Variants in PTPRD observed in about 807,000 individuals in gnomAD.
The protein encoded by PTPRD is receptor-type tyrosine-protein phosphatase delta.
In PTPRD, 34 loss-of-function variants were observed where a neutral mutation model predicts 214.5. That is an observed-to-expected ratio of 0.16 (90% CI 0.12 to 0.21). The LOEUF (loss-of-function observed/expected upper bound fraction) is 0.21, where lower values mean the gene tolerates loss of function less well. Ranked by LOEUF, PTPRD falls within the 10% of genes least tolerant of loss-of-function variation. The pLI, the probability that PTPRD is intolerant of heterozygous loss-of-function variation, is 1.00. For missense variants in PTPRD, 2,545 were observed against 2,398.7 expected, an observed-to-expected ratio of 1.06 and a Z score of -1.27; for synonymous variants, 1,128 against 845.7, an observed-to-expected ratio of 1.33 and a Z score of -5.79.
At chr9:10,330,040 CCTGTA>C (rs2096720912) in intron 3 of PTPRD, among the ~76,000 whole-genome samples, 2 of 151,780 alleles carry the variant, frequency 1.3e-5, no homozygotes, top group Admixed American at 1.3e-4. Context: ...GAACTATATT[CCTGTA>C]CTTTTTTTTC....
At chr9:9,719,747 G>C (rs761027411) in intron 7 of PTPRD, among the ~76,000 whole-genome samples, 5 of 152,172 alleles carry the variant, frequency 3.3e-5, no homozygotes, top group Non-Finnish European at 5.9e-5. Context: ...GTGTCATTCG[G>C]TAACACCCTC....
At chr9:9,715,779 C>T (rs1012251074) in intron 7 of PTPRD, among the ~76,000 whole-genome samples, 6 of 152,088 alleles carry the variant, frequency 3.9e-5, no homozygotes, top group African/African-American at 1.4e-4. Flanking sequence ...TTGTGTATTG[C>T]GATTTTCACA....
chr9:8,727,714 G>C (rs866745060), intron 12 of PTPRD, among the ~76,000 whole-genome samples: 1 of 152,080 alleles, frequency 6.6e-6, no homozygotes, highest in Non-Finnish European at 1.5e-5. Context: ...GCAGTGCAGT[G>C]ATGTCATCCT....
Position 10,174,951 on chromosome 9 carries a change from T to G in PTPRD, c.-544-141161A>C, listed in dbSNP as rs1204171465. Among the ~76,000 whole-genome samples the G allele has an allele frequency of 3.9e-4, 59 of 152,090 alleles. 1 individual carries two copies. Among genetic ancestry groups the G allele is most frequent in the Admixed American group, 3.9e-3 (59 of 15,254 alleles). ...ATTAGTAAAAATGAATGCTTGAAAT[T>G]ACTTGAGAAAATAGCTAGCTTGAGA... is the stretch of plus-strand genomic sequence containing the variant. On this transcript the variant is annotated intron_variant, in intron 3 of 45. Transcript: ENST00000381196.
chr9:9,409,396 G>A (rs963421093), intron 8 of PTPRD, among the ~76,000 whole-genome samples: 3 of 151,616 alleles, frequency 2.0e-5, no homozygotes, highest in Non-Finnish European at 4.4e-5. Context: ...TGTTTGCTTG[G>A]GCCACTCCTA....
chr9:10,538,671 G>A (rs1463270326), intron 2 of PTPRD, among the ~76,000 whole-genome samples: 1 of 150,846 alleles, frequency 6.6e-6, no homozygotes, highest in African/African-American at 2.5e-5. Flanking sequence ...AGGATGTACT[G>A]AATAAATTCT....
At chr9:9,660,507 A>G (rs1450962085) in intron 7 of PTPRD, among the ~76,000 whole-genome samples, 1 of 152,000 alleles carries the variant, frequency 6.6e-6, no homozygotes, top group East Asian at 1.9e-4. Context: ...TGTGGGTTAT[A>G]CTTGGGATAT....
chr9:8,621,521 C>T (rs1473692504), intron 14 of PTPRD, among the ~76,000 whole-genome samples: 9 of 151,900 alleles, frequency 5.9e-5, no homozygotes. Context: ...ATTTAGTGTC[C>T]TCCTTGGTTC....
chr9:8,998,611 C>T (rs1331647833), intron 11 of PTPRD, among the ~76,000 whole-genome samples: 3 of 152,038 alleles, frequency 2.0e-5, no homozygotes, highest in Admixed American at 6.6e-5. Context: ...ATACAACATT[C>T]ATTTTCTAGC....
intron 35 of PTPRD, among the ~76,000 whole-genome samples, chr9:8,426,075 G>GA (rs776693294): frequency 1.2e-3 from 181 of 151,892 alleles, no homozygotes; most frequent in Middle Eastern, 3.4e-3. Context: ...AATCACTTGA[G>GA]AAAAAAAAGT....
chr9:9,883,427 G>A (rs190698549), intron 5 of PTPRD, among the ~76,000 whole-genome samples: 2 of 152,246 alleles, frequency 1.3e-5, no homozygotes, highest in Admixed American at 6.6e-5. Flanking sequence ...AGAATAAGGT[G>A]TGAAGAGGAG....
intron 6 of PTPRD, among the ~76,000 whole-genome samples, chr9:9,739,367 G>GT (rs2098360517): frequency 2.6e-5 from 4 of 152,084 alleles, no homozygotes; most frequent in Non-Finnish European, 4.4e-5. Flanking sequence ...ATAATAAAGG[G>GT]TTTTTTTGTT....
At chr9:9,121,690 G>A (rs754132624) in intron 10 of PTPRD, among the ~76,000 whole-genome samples, 9 of 152,122 alleles carry the variant, frequency 5.9e-5, no homozygotes, top group Non-Finnish European at 8.8e-5. Context: ...GGAGGGGGGC[G>A]AGGGATAAAA....
intron 3 of PTPRD, among the ~76,000 whole-genome samples, chr9:10,061,951 T>C (rs890538133): frequency 6.6e-6 from 1 of 151,868 alleles, no homozygotes. Flanking sequence ...AATCGGAAAC[T>C]CTGGAAATGG....
At chr9:10,224,370 C>A (rs1291553599) in intron 3 of PTPRD, among the ~76,000 whole-genome samples, 1 of 151,806 alleles carries the variant, frequency 6.6e-6, no homozygotes, top group Admixed American at 6.6e-5. Flanking sequence ...CTATTCTTTT[C>A]TTATTATATT....
intron 8 of PTPRD, among the ~76,000 whole-genome samples, chr9:9,426,416 G>A (rs1012083404): frequency 1.2e-4 from 19 of 152,286 alleles, no homozygotes; most frequent in East Asian, 1.9e-4. Flanking sequence ...TGGGAAGCTC[G>A]AACTGGGTGG....
At chr9:10,259,806 A>G (rs932501724) in intron 3 of PTPRD, among the ~76,000 whole-genome samples, 1 of 152,098 alleles carries the variant, frequency 6.6e-6, no homozygotes, top group African/African-American at 2.4e-5. Flanking sequence ...TTTTGCACAC[A>G]CTCAGGTCTT....
chr9:8,779,498 G>C (rs1189140760), intron 11 of PTPRD, among the ~76,000 whole-genome samples: 1 of 152,050 alleles, frequency 6.6e-6, no homozygotes, highest in East Asian at 1.9e-4. Flanking sequence ...CCAATTATTA[G>C]AAAGAATGTA....
At chr9:9,123,210 C>G (rs917694113) in intron 10 of PTPRD, among the ~76,000 whole-genome samples, 1 of 152,148 alleles carries the variant, frequency 6.6e-6, no homozygotes, top group African/African-American at 2.4e-5. Context: ...GCAGTCATGG[C>G]CTCATGCCAT....
Sources: allele counts gnomAD v4.1 joint callset (sites outside exome capture counted in the v4.1 genomes callset), GRCh38; gene constraint gnomAD v4.1.1; transcripts MANE v1.5; gene names NCBI Gene and HGNC (gene_info 2026-07-23, HGNC 2026-07-21).